Variants in LRBA observed in about 807,000 individuals in gnomAD.
LRBA encodes lipopolysaccharide-responsive and beige-like anchor protein.
LRBA carries 176 observed loss-of-function variants against 330.0 expected under a neutral mutation model. The ratio of observed to expected loss-of-function variants is 0.53; its 90% CI spans 0.47 to 0.60. The LOEUF is 0.60. LRBA is among the 20% of genes least tolerant of loss of function. The pLI, the probability that LRBA is intolerant of heterozygous loss-of-function variation, is 0.00. For synonymous variants in LRBA, 1,230 were observed against 1,193.0 expected (o/e 1.03, Z -0.64); for missense variants, 3,259 against 3,444.8 (o/e 0.95, Z 1.35).
At chr4:150,480,859 CCTAG>C (rs1174704177) in intron 42 of LRBA, among the ~76,000 whole-genome samples, 1 of 152,162 alleles carries the variant, frequency 6.6e-6, no homozygotes, top group Non-Finnish European at 1.5e-5. Context: ...AAATCCTCCT[CCTAG>C]CTATTTGAAA....
intron 2 of LRBA, among the ~76,000 whole-genome samples, chr4:150,981,009 C>G (rs1049839996): frequency 6.6e-6 from 1 of 151,922 alleles, no homozygotes; most frequent in Non-Finnish European, 1.5e-5. Flanking sequence ...TCCATGTTCA[C>G]GGATTGCAAG....
chr4:150,979,663 GCAAT>G (rs1314082325), intron 2 of LRBA, among the ~76,000 whole-genome samples: 2 of 152,096 alleles, frequency 1.3e-5, no homozygotes, highest in East Asian at 3.8e-4. Flanking sequence ...CTTTGTTTAA[GCAAT>G]CAGTGTTAAA....
intron 44 of LRBA, among the ~76,000 whole-genome samples, chr4:150,441,686 T>C (rs1029224875): frequency 6.6e-6 from 1 of 152,086 alleles, no homozygotes; most frequent in Non-Finnish European, 1.5e-5. Context: ...CCTATTTTAA[T>C]AATAAAGAAA....
At chr4:150,963,320 G>C (rs1481712319) in intron 2 of LRBA, among the ~76,000 whole-genome samples, 3 of 149,266 alleles carry the variant, frequency 2.0e-5, no homozygotes, top group Admixed American at 6.6e-5. Flanking sequence ...CGAGTGCCTG[G>C]GATTGCAGGC....
At chr4:150,500,069 A>G (rs2152116648) in intron 40 of LRBA, among the ~76,000 whole-genome samples, 1 of 152,246 alleles carries the variant, frequency 6.6e-6, no homozygotes, top group East Asian at 1.9e-4. Context: ...TCCAGTGAAC[A>G]ATAACATATA....
intron 33 of LRBA, among the ~76,000 whole-genome samples, chr4:150,805,678 CGAAAG>C (rs1051885136): frequency 4.8e-5 from 7 of 144,826 alleles, no homozygotes; most frequent in South Asian, 2.2e-4. Flanking sequence ...GGAAAAGAAA[CGAAAG>C]GAAAGGAAAG....
intron 40 of LRBA, among the ~76,000 whole-genome samples, chr4:150,520,026 TGA>T (rs1762759545): frequency 6.6e-6 from 1 of 152,176 alleles, no homozygotes; most frequent in Non-Finnish European, 1.5e-5. Flanking sequence ...TTTGTTTTAT[TGA>T]GTTATCTTTT....
At chr4:150,850,095 ATT>A (rs1408280528) in intron 24 of LRBA, among the ~76,000 whole-genome samples, 12 of 142,868 alleles carry the variant, frequency 8.4e-5, no homozygotes, top group African/African-American at 7.7e-5. Flanking sequence ...TGTTATAACA[ATT>A]TTTTTTTTTT....
chr4:150,401,755 C>T (rs1047221248), intron 47 of LRBA, among the ~76,000 whole-genome samples: 12 of 151,712 alleles, frequency 7.9e-5, no homozygotes, highest in Non-Finnish European at 1.5e-4. Flanking sequence ...AGAAAATATC[C>T]CTATTCTTAG....
intron 30 of LRBA, among the ~76,000 whole-genome samples, chr4:150,826,627 T>C (rs1328381730): frequency 6.6e-6 from 1 of 152,134 alleles, no homozygotes; most frequent in East Asian, 1.9e-4. Flanking sequence ...AGATTAACTT[T>C]TAAAGTTCTT....
intron 37 of LRBA, among the ~76,000 whole-genome samples, chr4:150,619,227 A>G (rs900635509): frequency 2.0e-5 from 3 of 152,186 alleles, no homozygotes; most frequent in African/African-American, 7.2e-5. Flanking sequence ...GTATTTGCCC[A>G]GACGATAGAG....
At chr4:150,923,246 G>A (rs1441911704) in intron 4 of LRBA, among the ~76,000 whole-genome samples, 1 of 150,810 alleles carries the variant, frequency 6.6e-6, no homozygotes, top group Non-Finnish European at 1.5e-5. Context: ...CTTTAACATG[G>A]ACTATAAGAT....
At chr4:150,433,240 T>C (rs747650225) in intron 46 of LRBA, among the ~76,000 whole-genome samples, 20 of 152,176 alleles carry the variant, frequency 1.3e-4, no homozygotes, top group Non-Finnish European at 7.4e-5. Context: ...TTTCTTTTGA[T>C]GTTATAGTTG....
At chr4:150,532,383 G>A (rs1764139440) in intron 40 of LRBA, among the ~76,000 whole-genome samples, 1 of 152,056 alleles carries the variant, frequency 6.6e-6, no homozygotes, top group South Asian at 2.1e-4. Flanking sequence ...CTAAAATTAA[G>A]TGTTTCTCAG....
chr4:150,669,769 T>C lies in LRBA; in HGVS notation c.5921+13782A>G, dbSNP rs1781887807. Among the ~76,000 whole-genome samples, 3 of 152,122 alleles carry C rather than the reference T, an allele frequency of 2.0e-5. No individual in the cohort carries two copies. In the South Asian group the frequency reaches 6.2e-4, roughly 32 times the overall value. ...TTAGTAGATACAGGGTTTCACCAAG[T>C]TGGCCAAGCTGGTATCGAACTCCTG... On this transcript the variant is annotated intron_variant, in intron 37 of 56. Coordinates refer to ENST00000651943, the MANE Select transcript of LRBA (RefSeq NM_001364905.1).
intron 36 of LRBA, among the ~76,000 whole-genome samples, chr4:150,734,002 C>T (rs1391987550): frequency 6.6e-6 from 1 of 152,052 alleles, no homozygotes; most frequent in East Asian, 1.9e-4. Context: ...CTTGCACTTG[C>T]AAGAACATCA....
chr4:150,685,727 G>T (rs535063210), intron 36 of LRBA, among the ~76,000 whole-genome samples: 2 of 151,630 alleles, frequency 1.3e-5, no homozygotes, highest in Admixed American at 6.6e-5. Context: ...GAGCCACCGC[G>T]CCTGGCCAAG....
At chr4:150,349,147 T>A (rs891211877) in intron 48 of LRBA, among the ~76,000 whole-genome samples, 1 of 152,208 alleles carries the variant, frequency 6.6e-6, no homozygotes, top group Non-Finnish European at 1.5e-5. Context: ...TATTTAAATA[T>A]GTACTTACAT....
chr4:150,320,462 C>T (rs1732340457), intron 50 of LRBA, among the ~76,000 whole-genome samples: 1 of 151,930 alleles, frequency 6.6e-6, no homozygotes, highest in South Asian at 2.1e-4. Context: ...ACCAATACTA[C>T]CATGCCAAGC....
Sources: allele counts gnomAD v4.1 joint callset (sites outside exome capture counted in the v4.1 genomes callset), GRCh38; gene constraint gnomAD v4.1.1; transcripts MANE v1.5; gene names NCBI Gene and HGNC (gene_info 2026-07-23, HGNC 2026-07-21).